VPS13C: variants seen among roughly 807,000 people sequenced by gnomAD.
VPS13C encodes vacuolar protein sorting 13 homolog C, also known as intermembrane lipid transfer protein VPS13C.
A neutral mutation model predicts 456.8 loss-of-function variants in VPS13C; 358 were observed. The ratio of observed to expected loss-of-function variants is 0.78; its 90% confidence interval spans 0.72 to 0.86. VPS13C has a LOEUF of 0.86. Among genes scored for constraint, VPS13C ranks in the 40% least tolerant of loss-of-function variants. VPS13C has a pLI of 0.00. For missense variants in VPS13C, 4,818 were observed against 4,385.4 expected, an observed-to-expected ratio of 1.10 and a Z score of -2.79; for synonymous variants, 1,578 against 1,486.7, an observed-to-expected ratio of 1.06 and a Z score of -1.41.
intron 13 of VPS13C, among the ~76,000 whole-genome samples, chr15:62,010,091 G>A (rs552114278): frequency 1.3e-5 from 2 of 152,144 alleles, no homozygotes; most frequent in Non-Finnish European, 2.9e-5. Context: ...TCTAAAGGCT[G>A]AGGTAGGAGA....
intron 16 of VPS13C, among the ~76,000 whole-genome samples, chr15:61,996,269 T>G (rs1333689421): frequency 6.6e-6 from 1 of 152,064 alleles, no homozygotes; most frequent in East Asian, 1.9e-4. Flanking sequence ...TAAAACAAAC[T>G]CAAACTTACA....
At chr15:61,916,170 C>A (rs189092066) in intron 60 of VPS13C, 148 bp from the exon 61 acceptor site, 1 of 958,334 alleles carries the variant, frequency 1.0e-6, no homozygotes, top group African/African-American at 1.7e-5. Flanking sequence ...TTACAAATGT[C>A]CAGTACTCAC....
At chr15:61,859,242 G>A (rs1894093446) in intron 82 of VPS13C, among the ~76,000 whole-genome samples, 1 of 151,880 alleles carries the variant, frequency 6.6e-6, no homozygotes, top group African/African-American at 2.4e-5. Flanking sequence ...AATGCCTGTG[G>A]TACCAAGTAT....
chr15:61,979,975 G>A (rs974754426), intron 22 of VPS13C, among the ~76,000 whole-genome samples: 2 of 151,928 alleles, frequency 1.3e-5, no homozygotes, highest in Non-Finnish European at 2.9e-5. Context: ...CTTGAGGTCA[G>A]GAGTTCGAGA....
At chr15:61,934,673 A>G (rs568707876) in intron 48 of VPS13C, among the ~76,000 whole-genome samples, 1 of 152,322 alleles carries the variant, frequency 6.6e-6, no homozygotes, top group African/African-American at 2.4e-5. Context: ...GAACAGTCCA[A>G]TACTTTGCCT....
At chr15:62,007,939 T>C (rs1388023425) in intron 14 of VPS13C, among the ~76,000 whole-genome samples, 1 of 151,930 alleles carries the variant, frequency 6.6e-6, no homozygotes, top group Non-Finnish European at 1.5e-5. Flanking sequence ...ACCCCATCTG[T>C]ACTAAAAATA....
intron 26 of VPS13C, 81 bp from the exon 27 acceptor site, chr15:61,972,845 A>C: frequency 7.1e-7 from 1 of 1,408,042 alleles, no homozygotes; most frequent in Admixed American, 2.2e-5. Flanking sequence ...AATCTCTAAA[A>C]AGTGAAATTC....
chr15:61,889,092 T>C (rs12185103), intron 67 of VPS13C, among the ~76,000 whole-genome samples: 8,916 of 152,166 alleles, frequency 0.059, 313 homozygotes, highest in Non-Finnish European at 0.08. Flanking sequence ...ATGTGTACCA[T>C]GTCATAAAAA....
chr15:61,903,215 G>A (rs766494590), intron 66 of VPS13C, among the ~76,000 whole-genome samples: 1 of 151,898 alleles, frequency 6.6e-6, no homozygotes, highest in East Asian at 1.9e-4. Flanking sequence ...GTACACAACT[G>A]TAGTCCCTGA....
At chr15:61,904,008 A>G (rs1306150372) in intron 66 of VPS13C, among the ~76,000 whole-genome samples, 2 of 152,210 alleles carry the variant, frequency 1.3e-5, no homozygotes, top group African/African-American at 4.8e-5. Context: ...ACTTAAATCT[A>G]GGACCTGATA....
chr15:62,000,336 G>A (rs1361901648), intron 16 of VPS13C, among the ~76,000 whole-genome samples: 1 of 152,122 alleles, frequency 6.6e-6, no homozygotes, highest in Non-Finnish European at 1.5e-5. Context: ...CTGCATCCCA[G>A]CCCGGGAGAC....
intron 44 of VPS13C, 39 bp downstream of exon 44, chr15:61,946,268 C>T (rs766608696): frequency 1.4e-6 from 2 of 1,471,068 alleles, no homozygotes; most frequent in South Asian, 1.3e-5. Context: ...ATCCAAAAGG[C>T]AAAATAAATT....
intron 37 of VPS13C, among the ~76,000 whole-genome samples, chr15:61,955,477 CATGTAGTGT>C (rs1189777305): frequency 6.6e-6 from 1 of 152,112 alleles, no homozygotes; most frequent in African/African-American, 2.4e-5. Flanking sequence ...ACACAGGAAC[CATGTAGTGT>C]AAGCTACACC....
intron 16 of VPS13C, among the ~76,000 whole-genome samples, chr15:61,998,116 T>C (rs2046455819): frequency 1.3e-5 from 2 of 152,186 alleles, no homozygotes; most frequent in Non-Finnish European, 2.9e-5. Context: ...ATGAGCCAGG[T>C]ATGTTCCAAC....
chr15:62,014,205 A>T (rs1731947010), intron 9 of VPS13C, among the ~76,000 whole-genome samples: 1 of 150,880 alleles, frequency 6.6e-6, no homozygotes, highest in Admixed American at 6.6e-5. Context: ...GAGTTCATTC[A>T]TTCAGAAAAT....
At chr15:61,875,596 T>C (rs944867920) in intron 76 of VPS13C, 136 bp downstream of exon 76, 1 of 655,880 alleles carries the variant, frequency 1.5e-6, no homozygotes, top group East Asian at 2.8e-5. Context: ...AATAAAAATA[T>C]AAAATTGATA....
chr15:61,970,793 T>C (rs1355937269), intron 27 of VPS13C, among the ~76,000 whole-genome samples: 5 of 151,138 alleles, frequency 3.3e-5, no homozygotes, highest in African/African-American at 1.2e-4. Context: ...TGAAGGTTGC[T>C]GTCTTGTCTT....
At chr15:61,893,845 T>TAAAAAATTAAAATAAAATA (rs2042724348) in intron 66 of VPS13C, among the ~76,000 whole-genome samples, 1 of 152,094 alleles carries the variant, frequency 6.6e-6, no homozygotes, top group Non-Finnish European at 1.5e-5. Context: ...TAATGTATTG[T>TAAAAAATTAAAATAAAATA]GTCTATAAGA....
chr15:61,938,507 AGACCTG>A (rs1231383482), intron 47 of VPS13C, among the ~76,000 whole-genome samples: 6 of 152,278 alleles, frequency 3.9e-5, no homozygotes, highest in Non-Finnish European at 8.8e-5. Flanking sequence ...GTGTTTAGAG[AGACCTG>A]GATCAGCGAC....
Sources: gnomAD v4.1 joint callset for allele counts (sites outside exome capture counted in the v4.1 genomes callset) on GRCh38, gnomAD v4.1.1 for gene constraint, MANE v1.5 for transcripts, NCBI Gene and HGNC (gene_info 2026-07-23, HGNC 2026-07-21) for gene names.